GRID2: variants seen among roughly 807,000 people sequenced by gnomAD.
GRID2 encodes the protein glutamate receptor ionotropic, delta-2.
GRID2 carries 33 observed loss-of-function variants against 114.8 expected under a neutral mutation model. The ratio of observed to expected loss-of-function variants is 0.29; its 90% CI spans 0.22 to 0.38. The LOEUF is 0.38. GRID2 is among the 10% of genes least tolerant of loss of function. The pLI is 1.00. For missense variants in GRID2, 1,184 were observed against 1,257.7 expected, an observed-to-expected ratio of 0.94 and a Z score of 0.89; for synonymous variants, 505 against 449.9, an observed-to-expected ratio of 1.12 and a Z score of -1.55.
At chr4:93,304,612 C>T (rs1449627161) in intron 8 of GRID2, among the ~76,000 whole-genome samples, 1 of 152,026 alleles carries the variant, frequency 6.6e-6, no homozygotes, top group Admixed American at 6.6e-5. Flanking sequence ...TACTTTAACA[C>T]ACACTACAAG....
chr4:92,327,343 A>T (rs1726648904), intron 1 of GRID2, among the ~76,000 whole-genome samples: 1 of 151,370 alleles, frequency 6.6e-6, no homozygotes, highest in South Asian at 2.1e-4. Context: ...TTTTAACAAC[A>T]TTCCTGCCTG....
chr4:92,460,032 C>CTATATATATA (rs373743453), intron 1 of GRID2, among the ~76,000 whole-genome samples: 2,507 of 48,408 alleles, frequency 0.052, 431 homozygotes, highest in Admixed American at 0.097. Context: ...ATAAATCTCA[C>CTATATATATA]TATATATATA....
intron 2 of GRID2, among the ~76,000 whole-genome samples, chr4:93,020,526 T>G (rs1253201824): frequency 6.6e-6 from 1 of 152,152 alleles, no homozygotes; most frequent in Non-Finnish European, 1.5e-5. Context: ...AAACATAGTT[T>G]TGCATAACTT....
At chr4:92,546,040 G>A (rs1014001989) in intron 1 of GRID2, among the ~76,000 whole-genome samples, 1 of 152,018 alleles carries the variant, frequency 6.6e-6, no homozygotes, top group Admixed American at 6.6e-5. Flanking sequence ...GTTGTTGTTA[G>A]TTTCCGATAC....
chr4:92,961,765 T>TA, intron 2 of GRID2, among the ~76,000 whole-genome samples: 1 of 151,980 alleles, frequency 6.6e-6, no homozygotes, highest in South Asian at 2.1e-4. Flanking sequence ...TCTTCTCTTT[T>TA]TTTTTAATTC....
intron 11 of GRID2, among the ~76,000 whole-genome samples, chr4:93,471,330 G>A (rs1364989028): frequency 6.6e-6 from 1 of 152,126 alleles, no homozygotes; most frequent in Non-Finnish European, 1.5e-5. Context: ...CTCTTAAACT[G>A]TCTCTTCATA....
At chr4:93,185,601 AC>A (rs1047861723) in intron 4 of GRID2, among the ~76,000 whole-genome samples, 5 of 152,174 alleles carry the variant, frequency 3.3e-5, no homozygotes, top group Non-Finnish European at 5.9e-5. Context: ...TAAAAAATGG[AC>A]TTTAAAACTG....
chr4:92,521,326 TAACA>T (rs879308188), intron 1 of GRID2, among the ~76,000 whole-genome samples: 12 of 151,912 alleles, frequency 7.9e-5, no homozygotes, highest in Non-Finnish European at 1.0e-4. Context: ...TTTTATTATA[TAACA>T]AACAAGTATA....
chr4:93,405,979 A>G (rs965972635), intron 9 of GRID2, among the ~76,000 whole-genome samples: 3 of 152,192 alleles, frequency 2.0e-5, no homozygotes, highest in Non-Finnish European at 4.4e-5. Flanking sequence ...AATAAATCTC[A>G]TTGTTAGTAT....
intron 14 of GRID2, among the ~76,000 whole-genome samples, chr4:93,681,080 A>T (rs374728874): frequency 0.067 from 10,187 of 151,350 alleles, 517 homozygotes; most frequent in South Asian, 0.11. Context: ...ACTTCAGCAA[A>T]GTCTCAGGAT....
chr4:93,398,344 G>C (rs72668704), intron 9 of GRID2, among the ~76,000 whole-genome samples: 2,293 of 151,152 alleles, frequency 0.015, 20 homozygotes, highest in South Asian at 0.054. Flanking sequence ...TGGTTTTACA[G>C]ACAGTAAGTA....
chr4:92,521,205 A>G (rs576814716), intron 1 of GRID2, among the ~76,000 whole-genome samples: 1 of 152,076 alleles, frequency 6.6e-6, no homozygotes, highest in African/African-American at 2.4e-5. Flanking sequence ...AGGTGCAAAT[A>G]TAAACATTTA....
At chr4:93,251,682 G>A (rs1748947589) in intron 8 of GRID2, among the ~76,000 whole-genome samples, 1 of 151,968 alleles carries the variant, frequency 6.6e-6, no homozygotes, top group South Asian at 2.1e-4. Context: ...TCCACTTCCA[G>A]GCTCCAGTAT....
chr4:93,126,584 C>CT (rs60017147), intron 4 of GRID2, among the ~76,000 whole-genome samples: 8,090 of 52,654 alleles, frequency 0.15, 2,430 homozygotes, highest in Middle Eastern at 0.29. Flanking sequence ...CTATTTAATT[C>CT]TTTTTTTTTT....
intron 11 of GRID2, among the ~76,000 whole-genome samples, chr4:93,467,840 A>C (rs1215103729): frequency 6.6e-6 from 1 of 152,156 alleles, no homozygotes; most frequent in Non-Finnish European, 1.5e-5. Flanking sequence ...TTAATTAACT[A>C]CACTAATTTT....
chr4:92,714,718 A>G (rs1335555638), intron 2 of GRID2, among the ~76,000 whole-genome samples: 1 of 152,142 alleles, frequency 6.6e-6, no homozygotes, highest in East Asian at 1.9e-4. Context: ...CTCTAAAGCC[A>G]CAAGCCACAG....
chr4:93,126,586 T>TTTTTTTTG, intron 4 of GRID2, among the ~76,000 whole-genome samples: 1 of 75,666 alleles, frequency 1.3e-5, no homozygotes, highest in Non-Finnish European at 2.5e-5. Context: ...ATTTAATTCT[T>TTTTTTTTG]TTTTTTTTTT....
At chr4:92,736,472 T>C (rs1243789957) in intron 2 of GRID2, among the ~76,000 whole-genome samples, 3 of 152,112 alleles carry the variant, frequency 2.0e-5, no homozygotes, top group African/African-American at 7.2e-5. Flanking sequence ...AATCGTACAG[T>C]TCTAAAAAAG....
chr4:92,498,728 G>A (rs1218060549), intron 1 of GRID2, among the ~76,000 whole-genome samples: 1 of 151,698 alleles, frequency 6.6e-6, no homozygotes, highest in Non-Finnish European at 1.5e-5. Flanking sequence ...AATTTACAGG[G>A]AAGCATAATC....
Sources: allele counts gnomAD v4.1 joint callset (sites outside exome capture counted in the v4.1 genomes callset), GRCh38; gene constraint gnomAD v4.1.1; transcripts MANE v1.5; gene names NCBI Gene and HGNC (gene_info 2026-07-23, HGNC 2026-07-21).